The following MORN5 variants were observed in gnomAD, a reference collection of about 807,000 sequenced individuals.
The protein encoded by MORN5 is MORN repeat containing 5, also known as MORN repeat-containing protein 5.
Under a neutral mutation model 22.1 loss-of-function variants are expected in MORN5, and 21 were observed. The ratio of observed to expected loss-of-function variants is 0.95; its 90% CI spans 0.67 to 1.37. The LOEUF (loss-of-function observed/expected upper bound fraction) is 1.37. Ranked by LOEUF, MORN5 falls within the 40% of genes most tolerant of loss-of-function variation. The pLI, the probability that MORN5 is intolerant of heterozygous loss-of-function variation, is 0.00. For missense variants in MORN5, 211 were observed against 215.1 expected (o/e 0.98, Z 0.12); for synonymous variants, 73 against 74.0 (o/e 0.99, Z 0.07).
At chr9:122,164,763 AGGAAT>A in intron 1 of MORN5, 1 of 262,494 alleles carries the variant, frequency 3.8e-6, no homozygotes, top group Non-Finnish European at 5.9e-6. Context: ...GAAGGAGAAG[AGGAAT>A]TCTCCCTTCC....
At chr9:122,164,621 G>A in intron 1 of MORN5, 1 of 985,666 alleles carries the variant, frequency 1.0e-6, no homozygotes, top group South Asian at 4.7e-5. Context: ...GTCTGTGAGA[G>A]GTCTGAACAG....
intron 4 of MORN5, among the ~76,000 whole-genome samples, chr9:122,198,417 C>CT (rs1829942427): frequency 6.6e-6 from 1 of 152,186 alleles, no homozygotes; most frequent in South Asian, 2.1e-4. Context: ...GCAGGAGGCA[C>CT]TGGGCTAGAC....
At chr9:122,168,812 A>C (rs1214567097) in intron 2 of MORN5, among the ~76,000 whole-genome samples, 2 of 152,148 alleles carry the variant, frequency 1.3e-5, no homozygotes, top group Non-Finnish European at 2.9e-5. Context: ...AACCAATAGG[A>C]TATATAGAGA....
intron 4 of MORN5, among the ~76,000 whole-genome samples, chr9:122,180,948 A>G (rs888495598): frequency 1.3e-5 from 2 of 152,272 alleles, no homozygotes; most frequent in Non-Finnish European, 2.9e-5. Context: ...TGTTTGTAAA[A>G]GACAAAGCAT....
intron 4 of MORN5, among the ~76,000 whole-genome samples, chr9:122,186,513 G>A (rs761025993): frequency 2.1e-4 from 32 of 152,224 alleles, no homozygotes; most frequent in Middle Eastern, 6.8e-3. Flanking sequence ...CATCCATACA[G>A]CCCTGTCAGG....
At chr9:122,196,257 C>G (rs961358308) in intron 4 of MORN5, among the ~76,000 whole-genome samples, 3 of 151,832 alleles carry the variant, frequency 2.0e-5, no homozygotes, top group Admixed American at 6.6e-5. Flanking sequence ...CCACGCCCAG[C>G]CAAAATATCT....
chr9:122,174,242 A>C (rs1759298798), intron 3 of MORN5, among the ~76,000 whole-genome samples: 1 of 152,140 alleles, frequency 6.6e-6, no homozygotes, highest in South Asian at 2.1e-4. Context: ...GAAGAAATGG[A>C]GGAGGATGGG....
At chr9:122,160,596 C>CTCTT (rs1302454055) in intron 1 of MORN5, among the ~76,000 whole-genome samples, 1 of 149,028 alleles carries the variant, frequency 6.7e-6, no homozygotes, top group Non-Finnish European at 1.5e-5. Flanking sequence ...CTACCTTCCT[C>CTCTT]TCTTTCTTTC....
At position 122,174,390 on chromosome 9, in the gene MORN5, G is replaced by A. The variant is rs573867866; in HGVS notation, c.308-106G>A. The stretch of plus-strand genomic sequence containing the variant: ...GTAGGGGGTATTTAGTTCAACAGGG[G>A]AGCCAGATAGTCACATGAGCCACCA... On this transcript the variant is annotated intron_variant, in intron 3 of 4. Transcript: ENST00000373764. 1.8e-4 allele frequency: 234 copies of A among 1,315,690 alleles called. 1 individual carries two copies. The South Asian group carries it at 3.0e-3, about 17-fold the overall frequency. The allele number at this position is 1,315,690 out of a possible 1,614,324, so 81.5% of individuals were successfully genotyped here. A position where few individuals can be genotyped will look rare whatever the true frequency, so the allele number is the denominator to read the frequency against.
chr9:122,160,046 T>C (rs1588298199), intron 1 of MORN5, 27 bp downstream of exon 1: 3 of 1,602,432 alleles, frequency 1.9e-6, no homozygotes, highest in African/African-American at 1.3e-5. Flanking sequence ...ATTCACTTAC[T>C]ATACCTTGAA....
chr9:122,183,009 C>G (rs753229401), intron 4 of MORN5, among the ~76,000 whole-genome samples: 4 of 152,182 alleles, frequency 2.6e-5, no homozygotes, highest in Non-Finnish European at 5.9e-5. Context: ...AGGGGCATGT[C>G]TGATTTATAG....
chr9:122,184,083 A>G (rs1829575433), intron 4 of MORN5, among the ~76,000 whole-genome samples: 1 of 152,198 alleles, frequency 6.6e-6, no homozygotes, highest in Admixed American at 6.5e-5. Flanking sequence ...GTGAGAGCTA[A>G]CCATGACTGA....
At chr9:122,161,145 T>G (rs1829191939) in intron 1 of MORN5, among the ~76,000 whole-genome samples, 1 of 152,160 alleles carries the variant, frequency 6.6e-6, no homozygotes, top group Non-Finnish European at 1.5e-5. Context: ...CGATATGAAG[T>G]GGTTTGCTGA....
intron 4 of MORN5, among the ~76,000 whole-genome samples, chr9:122,181,596 C>G (rs1321308241): frequency 6.6e-6 from 1 of 152,152 alleles, no homozygotes; most frequent in Non-Finnish European, 1.5e-5. Context: ...GTTAGGATCT[C>G]TTGCCCCACA....
intron 4 of MORN5, among the ~76,000 whole-genome samples, chr9:122,182,159 C>G (rs1264799360): frequency 6.6e-6 from 1 of 152,244 alleles, no homozygotes; most frequent in Non-Finnish European, 1.5e-5. Context: ...GCTGTCTCTT[C>G]TGCCCCATGT....
chr9:122,171,091 A>G (rs1427604186), intron 3 of MORN5, among the ~76,000 whole-genome samples: 1 of 152,228 alleles, frequency 6.6e-6, no homozygotes, highest in Non-Finnish European at 1.5e-5. Context: ...TATAAAAACA[A>G]TCCCAACTTA....
chr9:122,163,922 T>A (rs1829238540), intron 1 of MORN5, among the ~76,000 whole-genome samples: 2 of 152,068 alleles, frequency 1.3e-5, no homozygotes, highest in South Asian at 4.1e-4. Flanking sequence ...CACTCTGGAG[T>A]GCTCTGGCTG....
At chr9:122,163,486 T>G (rs905638795) in intron 1 of MORN5, among the ~76,000 whole-genome samples, 1 of 152,134 alleles carries the variant, frequency 6.6e-6, no homozygotes, top group African/African-American at 2.4e-5. Context: ...GTGGAAGAGA[T>G]AGTATTTGAA....
chr9:122,162,196 C>T (rs1312534619), intron 1 of MORN5, among the ~76,000 whole-genome samples: 2 of 152,176 alleles, frequency 1.3e-5, no homozygotes, highest in African/African-American at 4.8e-5. Flanking sequence ...GCACATTCAG[C>T]AGCAGTGTTC....
Sources: gnomAD v4.1 joint callset for allele counts (sites outside exome capture counted in the v4.1 genomes callset) on GRCh38, gnomAD v4.1.1 for gene constraint, MANE v1.5 for transcripts, NCBI Gene and HGNC (gene_info 2026-07-23, HGNC 2026-07-21) for gene names.